The following TAFA2 variants were observed in gnomAD, a reference collection of about 807,000 sequenced individuals.
TAFA2 encodes chemokine-like protein TAFA-2.
A neutral mutation model predicts 18.8 loss-of-function variants in TAFA2; 7 were observed. That is an observed-to-expected ratio of 0.37 (90% confidence interval 0.21 to 0.70). TAFA2 has a LOEUF of 0.70. TAFA2 is among the 30% of genes least tolerant of loss of function. TAFA2 has a pLI of 0.53. For missense variants in TAFA2, 122 were observed against 158.1 expected (o/e 0.77, Z 1.23); for synonymous variants, 60 against 54.2 (o/e 1.11, Z -0.47).
chr12:62,021,103 C>T (rs1203404915), intron 1 of TAFA2, among the ~76,000 whole-genome samples: 1 of 151,336 alleles, frequency 6.6e-6, no homozygotes, highest in African/African-American at 2.5e-5. Flanking sequence ...AATTTCTATA[C>T]TAAATACTGG....
At chr12:62,221,475 T>G (rs2062762661) in intron 1 of TAFA2, among the ~76,000 whole-genome samples, 2 of 152,234 alleles carry the variant, frequency 1.3e-5, no homozygotes, top group African/African-American at 4.8e-5. Context: ...TCAGGGAAAC[T>G]AATAGTCTAA....
At chr12:62,226,907 G>GC (rs2062789323) in intron 1 of TAFA2, among the ~76,000 whole-genome samples, 1 of 152,064 alleles carries the variant, frequency 6.6e-6, no homozygotes, top group Admixed American at 6.5e-5. Flanking sequence ...CTGGCATATT[G>GC]CAGCAGCTAA....
At chr12:62,243,095 A>C (rs1368959542) in intron 1 of TAFA2, among the ~76,000 whole-genome samples, 1 of 152,236 alleles carries the variant, frequency 6.6e-6, no homozygotes. Flanking sequence ...TTTTTTAAAT[A>C]TTAAGCTGTT....
chr12:62,073,764 T>C (rs934379309), intron 1 of TAFA2, among the ~76,000 whole-genome samples: 2 of 152,238 alleles, frequency 1.3e-5, no homozygotes, highest in African/African-American at 4.8e-5. Context: ...TTTAGTTATC[T>C]GCAGTCATAA....
intron 4 of TAFA2, among the ~76,000 whole-genome samples, chr12:61,738,532 A>G (rs895678001): frequency 2.0e-5 from 3 of 152,086 alleles, no homozygotes; most frequent in African/African-American, 4.8e-5. Flanking sequence ...TGATAAGTCC[A>G]TAAGAGATGT....
intron 2 of TAFA2, among the ~76,000 whole-genome samples, chr12:61,758,290 A>C (rs1489012686): frequency 6.6e-6 from 1 of 151,972 alleles, no homozygotes; most frequent in African/African-American, 2.4e-5. Context: ...TCATGGGGTC[A>C]AGGGAATTTT....
chr12:62,079,262 T>C (rs1868283833), intron 1 of TAFA2, among the ~76,000 whole-genome samples: 1 of 152,204 alleles, frequency 6.6e-6, no homozygotes, highest in African/African-American at 2.4e-5. Context: ...CACCCATACA[T>C]GCCTCTCTAT....
chr12:61,797,085 A>T lies in TAFA2; in HGVS notation c.107-42061T>A, dbSNP rs77787841. On this transcript the variant is annotated intron_variant, in intron 2 of 4. Transcript: ENST00000416284. ...GTATTTACCACACAGATGTCAGACTAGCTACACTGGAAGAGCTGATTTCAC... is the reference window on the plus strand; with the variant it reads ...GTATTTACCACACAGATGTCAGACTTGCTACACTGGAAGAGCTGATTTCAC... Among the ~76,000 whole-genome samples, 889 of 152,304 alleles carry T rather than the reference A, an allele frequency of 5.8e-3. 11 individuals carry two copies. Among genetic ancestry groups the T allele is most frequent in the African/African-American group, 0.02 (849 of 41,566 alleles).
intron 1 of TAFA2, among the ~76,000 whole-genome samples, chr12:62,162,502 C>A (rs969953702): frequency 4.6e-5 from 7 of 152,174 alleles, no homozygotes; most frequent in African/African-American, 1.4e-4. Context: ...ACCCGTGATG[C>A]ATATCACCTA....
chr12:61,791,292 T>C (rs1334473559), intron 2 of TAFA2, among the ~76,000 whole-genome samples: 1 of 151,774 alleles, frequency 6.6e-6, no homozygotes, highest in African/African-American at 2.4e-5. Context: ...GACATTGGAC[T>C]GGGCAAGAAT....
intron 2 of TAFA2, among the ~76,000 whole-genome samples, chr12:61,802,136 G>A (rs1001528093): frequency 6.6e-6 from 1 of 151,966 alleles, no homozygotes; most frequent in Non-Finnish European, 1.5e-5. Flanking sequence ...TGTAGAGAAA[G>A]GGAACTCTTA....
At chr12:62,232,295 T>C (rs1483562729) in intron 1 of TAFA2, among the ~76,000 whole-genome samples, 1 of 152,188 alleles carries the variant, frequency 6.6e-6, no homozygotes, top group Non-Finnish European at 1.5e-5. Flanking sequence ...GACTCTCTCC[T>C]GAAATACTGA....
chr12:61,797,594 T>C (rs899853154), intron 2 of TAFA2, among the ~76,000 whole-genome samples: 1 of 152,198 alleles, frequency 6.6e-6, no homozygotes, highest in Non-Finnish European at 1.5e-5. Context: ...GTCCTCCATG[T>C]AGAAACTCTA....
intron 1 of TAFA2, chr12:62,206,954 T>C (rs1178892719): frequency 6.6e-6 from 1 of 152,234 alleles, no homozygotes; most frequent in Non-Finnish European, 1.5e-5. Context: ...ATGGACTTAA[T>C]TGAAATCCTT....
chr12:61,942,395 C>T (rs1878072291), intron 1 of TAFA2, among the ~76,000 whole-genome samples: 1 of 151,526 alleles, frequency 6.6e-6, no homozygotes, highest in Non-Finnish European at 1.5e-5. Flanking sequence ...ACGCAGAGAG[C>T]CTCTCCTCCT....
At chr12:62,111,281 A>G (rs1869719388) in intron 1 of TAFA2, among the ~76,000 whole-genome samples, 2 of 152,120 alleles carry the variant, frequency 1.3e-5, no homozygotes, top group African/African-American at 4.8e-5. Context: ...TTCAGTTTCC[A>G]TGTAGTTGTG....
chr12:62,037,860 T>G (rs1044185809), intron 1 of TAFA2, among the ~76,000 whole-genome samples: 2 of 152,144 alleles, frequency 1.3e-5, no homozygotes, highest in African/African-American at 4.8e-5. Flanking sequence ...AATCAAAATC[T>G]CTTTGGAGGA....
chr12:61,880,344 G>A (rs573622011), intron 1 of TAFA2: 37 of 498,546 alleles, frequency 7.4e-5, no homozygotes, highest in Middle Eastern at 6.3e-4. Context: ...GCCGAGAAGC[G>A]CAGGGAGCTG....
intron 1 of TAFA2, among the ~76,000 whole-genome samples, chr12:62,102,439 G>T (rs1226518804): frequency 6.6e-6 from 1 of 152,176 alleles, no homozygotes; most frequent in East Asian, 1.9e-4. Context: ...AATACTCTCT[G>T]AAAATTAGAT....
Sources: gnomAD v4.1 joint callset for allele counts (sites outside exome capture counted in the v4.1 genomes callset) on GRCh38, gnomAD v4.1.1 for gene constraint, MANE v1.5 for transcripts, NCBI Gene and HGNC (gene_info 2026-07-23, HGNC 2026-07-21) for gene names.